The following PGM1 variants were observed in gnomAD, a reference collection of about 807,000 sequenced individuals.
PGM1 encodes the protein phosphoglucomutase-1.
A neutral mutation model predicts 55.6 loss-of-function variants in PGM1; 52 were observed. The observed-to-expected ratio is 0.94, with a 90% CI of 0.75 to 1.18. The LOEUF is 1.18. PGM1 is among the 50% of genes most tolerant of loss of function. The pLI, the probability that PGM1 is intolerant of heterozygous loss-of-function variation, is 0.00. For missense variants in PGM1, 724 were observed against 729.3 expected (o/e 0.99, Z 0.08); for synonymous variants, 287 against 271.7 (o/e 1.06, Z -0.55).
intron 7 of PGM1, among the ~76,000 whole-genome samples, chr1:63,646,951 T>G (rs1318588812): frequency 6.6e-6 from 1 of 152,062 alleles, no homozygotes; most frequent in East Asian, 1.9e-4. Flanking sequence ...CCTTAAAATA[T>G]ATCAAATGTG....
intron 1 of PGM1, among the ~76,000 whole-genome samples, chr1:63,609,059 G>A (rs1648499248): frequency 6.6e-6 from 1 of 152,210 alleles, no homozygotes; most frequent in Non-Finnish European, 1.5e-5. Flanking sequence ...GGCCTAGGGA[G>A]GGTCTTTGTG....
intron 1 of PGM1, among the ~76,000 whole-genome samples, chr1:63,619,420 G>T (rs917244436): frequency 1.3e-5 from 2 of 152,230 alleles, no homozygotes; most frequent in African/African-American, 4.8e-5. Flanking sequence ...AGTTGAAGTT[G>T]TGTGTAGAAA....
intron 7 of PGM1, among the ~76,000 whole-genome samples, chr1:63,647,294 A>ATATATATATATG (rs1649681545): frequency 1.1e-5 from 1 of 88,948 alleles, no homozygotes; most frequent in Non-Finnish European, 2.2e-5. Context: ...ATATATATAT[A>ATATATATATATG]TATATATATA....
intron 5 of PGM1, 152 bp from the exon 6 acceptor site, chr1:63,636,082 T>C (rs1649353964): frequency 1.2e-6 from 1 of 807,504 alleles, no homozygotes; most frequent in Non-Finnish European, 2.0e-6. Flanking sequence ...ATAAACTCAT[T>C]GAAAATAAAA....
intron 1 of PGM1, among the ~76,000 whole-genome samples, chr1:63,615,547 CTTCTTTTTTTTTTT>C (rs1271207654): frequency 2.1e-5 from 2 of 96,094 alleles, no homozygotes; most frequent in African/African-American, 9.2e-5. Context: ...TCTTCTTCTT[CTTCTTTTTTTTTTT>C]TTTTTTTTTT....
chr1:63,624,300 C>T (rs1345914554), intron 1 of PGM1, among the ~76,000 whole-genome samples: 1 of 152,102 alleles, frequency 6.6e-6, no homozygotes, highest in East Asian at 1.9e-4. Flanking sequence ...GGACCTGTTA[C>T]AGGGGCACCT....
chr1:63,624,454 G>C (rs1475245604), intron 1 of PGM1, among the ~76,000 whole-genome samples: 2 of 152,196 alleles, frequency 1.3e-5, no homozygotes, highest in African/African-American at 4.8e-5. Context: ...GCTGGATTAA[G>C]CAAATGAGAA....
chr1:63,603,254 A>T (rs1035007901), intron 1 of PGM1, among the ~76,000 whole-genome samples: 9 of 152,370 alleles, frequency 5.9e-5, no homozygotes, highest in African/African-American at 1.9e-4. Context: ...AGAGCCTGGG[A>T]ACTGCCCCCA....
chr1:63,601,596 TTAAG>T (rs889838697), intron 1 of PGM1, among the ~76,000 whole-genome samples: 73 of 152,188 alleles, frequency 4.8e-4, no homozygotes, highest in African/African-American at 1.6e-3. Flanking sequence ...CCTGAGTGTG[TTAAG>T]TAAGTAATGG....
intron 1 of PGM1, chr1:63,594,235 G>A (rs866637217): frequency 7.5e-6 from 5 of 668,272 alleles, no homozygotes; most frequent in African/African-American, 2.0e-5. Flanking sequence ...CCGCTGGCTC[G>A]GAGCCCGACA....
chr1:63,645,896 A>G (rs550879773), intron 7 of PGM1, among the ~76,000 whole-genome samples: 1 of 152,312 alleles, frequency 6.6e-6, no homozygotes, highest in South Asian at 2.1e-4. Context: ...ACTTAATTAC[A>G]AGGATAAATA....
Position 63,637,493 on chromosome 1 carries a change from G to A in PGM1, c.1028+1105G>A, listed in dbSNP as rs571066555. 1.2e-4 allele frequency among the ~76,000 whole-genome samples: 18 copies of A among 152,318 alleles called. 1 individual carries two copies. The South Asian group carries it at 3.7e-3, about 32-fold the overall frequency. ...GAAAATAGCCACTAATATCCATATA[G>A]TGGTTTGTAGTTTGTATAGTGTTTT... On this transcript the variant is annotated intron_variant, in intron 6 of 10. Transcript: ENST00000371084.
chr1:63,617,538 C>CAAAA (rs1385547396), intron 1 of PGM1, among the ~76,000 whole-genome samples: 1 of 151,892 alleles, frequency 6.6e-6, no homozygotes, highest in Non-Finnish European at 1.5e-5. Context: ...GAAACCCTGT[C>CAAAA]TCTATTAAAA....
At chr1:63,623,647 T>C (rs755137305) in intron 1 of PGM1, 81 of 1,612,504 alleles carry the variant, frequency 5.0e-5, no homozygotes, top group Non-Finnish European at 6.8e-5. Context: ...GAGTATATTC[T>C]TTTCCATAGA....
chr1:63,597,163 G>A (rs1330560369), intron 1 of PGM1, among the ~76,000 whole-genome samples: 1 of 152,152 alleles, frequency 6.6e-6, no homozygotes, highest in Non-Finnish European at 1.5e-5. Context: ...CTGTACTTGG[G>A]AGGGGAAGAT....
intron 9 of PGM1, 73 bp downstream of exon 9, chr1:63,651,925 A>T (rs1297153291): frequency 2.6e-5 from 37 of 1,400,698 alleles, no homozygotes; most frequent in Non-Finnish European, 3.6e-5. Flanking sequence ...GGGAAAAATT[A>T]AAAAGTTCCT....
intron 1 of PGM1, among the ~76,000 whole-genome samples, chr1:63,595,954 C>A (rs1648052891): frequency 6.6e-6 from 1 of 152,170 alleles, no homozygotes; most frequent in African/African-American, 2.4e-5. Context: ...CTCATTCTCA[C>A]CTCCGGTTTA....
At chr1:63,621,261 G>A (rs1308191839) in intron 1 of PGM1, among the ~76,000 whole-genome samples, 1 of 152,080 alleles carries the variant, frequency 6.6e-6, no homozygotes, top group East Asian at 1.9e-4. Context: ...ACTTCACCGA[G>A]AGACTGGGAG....
intron 8 of PGM1, 105 bp from the exon 9 acceptor site, chr1:63,651,564 T>C (rs1303672362): frequency 9.6e-7 from 1 of 1,040,244 alleles, no homozygotes; most frequent in Middle Eastern, 3.0e-4. Context: ...TGAAGTTAGA[T>C]AGTTTTGCGG....
Sources: gnomAD v4.1 joint callset for allele counts (sites outside exome capture counted in the v4.1 genomes callset) on GRCh38, gnomAD v4.1.1 for gene constraint, MANE v1.5 for transcripts, NCBI Gene and HGNC (gene_info 2026-07-23, HGNC 2026-07-21) for gene names.